The following TMEM132D variants were observed in gnomAD, a reference collection of about 807,000 sequenced individuals.
TMEM132D encodes transmembrane protein 132D.
A neutral mutation model predicts 62.3 loss-of-function variants in TMEM132D; 21 were observed. The observed-to-expected ratio is 0.34, with a 90% CI of 0.24 to 0.49. The LOEUF (loss-of-function observed/expected upper bound fraction) is 0.49, where lower values mean the gene tolerates loss of function less well. Among genes scored for constraint, TMEM132D ranks in the 20% least tolerant of loss-of-function variants. The probability of loss-of-function intolerance (pLI) is 0.99; values close to 1 mark genes in which losing one functional copy is unlikely to be tolerated. For synonymous variants in TMEM132D, 621 were observed against 575.6 expected, an observed-to-expected ratio of 1.08 and a Z score of -1.13; for missense variants, 1,346 against 1,402.8, an observed-to-expected ratio of 0.96 and a Z score of 0.65.
At chr12:129,894,873 G>A (rs1469977195) in intron 1 of TMEM132D, among the ~76,000 whole-genome samples, 3 of 152,044 alleles carry the variant, frequency 2.0e-5, no homozygotes, top group Non-Finnish European at 4.4e-5. Context: ...GTCAGCGTGT[G>A]TGATCTACGT....
At chr12:129,785,211 C>T (rs996433013) in intron 1 of TMEM132D, among the ~76,000 whole-genome samples, 4 of 152,254 alleles carry the variant, frequency 2.6e-5, no homozygotes, top group East Asian at 1.9e-4. Flanking sequence ...AAGCAGACAG[C>T]GCCCTGGCCT....
intron 4 of TMEM132D, among the ~76,000 whole-genome samples, chr12:129,281,891 G>A (rs1393587408): frequency 1.3e-5 from 2 of 152,158 alleles, no homozygotes; most frequent in Non-Finnish European, 2.9e-5. Context: ...AAGACCAGGT[G>A]TCTTTCCTCA....
chr12:129,416,749 T>C (rs2135708615), intron 3 of TMEM132D, among the ~76,000 whole-genome samples: 1 of 152,324 alleles, frequency 6.6e-6, no homozygotes, highest in East Asian at 1.9e-4. Flanking sequence ...ATTTTTAGCA[T>C]GAAGGGATGT....
rs1436392864 is a variant in TMEM132D at position 129,467,452 on chromosome 12, A to T, written c.1115+63607T>A. On this transcript the variant is annotated intron_variant, in intron 3 of 8. Transcript: ENST00000422113. Reference sequence around the variant, plus strand: ...GTCCTGGGATGGAATTTCATTGGCCATGCTTGAGTCACATGACCATCCCTG... The same window carrying T: ...GTCCTGGGATGGAATTTCATTGGCCTTGCTTGAGTCACATGACCATCCCTG... Among the ~76,000 whole-genome samples the T allele has an allele frequency of 2.0e-5, 3 of 152,150 alleles. No homozygotes were observed. The South Asian group carries it at 6.2e-4, about 32-fold the overall frequency.
At chr12:129,414,763 A>G (rs1238705416) in intron 3 of TMEM132D, among the ~76,000 whole-genome samples, 2 of 152,180 alleles carry the variant, frequency 1.3e-5, no homozygotes, top group Non-Finnish European at 2.9e-5. Context: ...TACTCATTTT[A>G]CAACCGAAAA....
chr12:129,315,305 T>G (rs1868446507), intron 4 of TMEM132D, among the ~76,000 whole-genome samples: 1 of 152,214 alleles, frequency 6.6e-6, no homozygotes, highest in Admixed American at 6.5e-5. Context: ...TTTATTACTT[T>G]AAGGTATGTC....
At position 129,074,077 on chromosome 12, in the gene TMEM132D, T is replaced by C; in HGVS notation, c.3098A>G (p.Glu1033Gly). The change falls in exon 9 of 9, where the codon GAG (glutamate) becomes GGG (glycine). Residue 1033 changes from glutamate to glycine, a missense_variant. By Grantham distance (98) the Glu-to-Gly change is moderately conservative. Transcript: ENST00000422113. ...IIIDGKDQKSEPPTSPTSKRK... is the reference protein window; with the variant it reads ...IIIDGKDQKSGPPTSPTSKRK... ...TTTTGAGGTAGGGGATGTTGGGGGC[T>C]CACTTTTCTGATCTTTCCCATCAAT... The C allele has an allele frequency of 6.2e-7, 1 of 1,614,104 alleles. No individual in the cohort carries two copies. The highest frequency in any genetic ancestry group is 8.5e-7 in the Non-Finnish European group (1 of 1,179,998).
chr12:129,725,274 C>T lies in TMEM132D; in HGVS notation c.80-24576G>A, dbSNP rs562378149. On this transcript the variant is annotated intron_variant, in intron 1 of 8. Coordinates refer to ENST00000422113, the MANE Select transcript of TMEM132D (RefSeq NM_133448.3). ...GGAAACAAAGTAAATAATGGTACAA[C>T]GAGTCCATCATTCACTATGTATTTC... Among the ~76,000 whole-genome samples, 14 of 152,286 alleles carry T rather than the reference C, an allele frequency of 9.2e-5. No individual in the cohort carries two copies. The South Asian group carries it at 2.5e-3, about 27-fold the overall frequency.
chr12:129,828,060 TAA>T (rs1279549866), intron 1 of TMEM132D, among the ~76,000 whole-genome samples: 8 of 152,194 alleles, frequency 5.3e-5, no homozygotes, highest in African/African-American at 1.7e-4. Context: ...GGAACATTAA[TAA>T]CTTATTCTTT....
intron 5 of TMEM132D, among the ~76,000 whole-genome samples, chr12:129,139,251 G>C (rs533541711): frequency 6.6e-6 from 1 of 152,294 alleles, no homozygotes; most frequent in South Asian, 2.1e-4. Flanking sequence ...AACATTTCCA[G>C]TAGTCTCTGA....
chr12:129,437,460 T>A (rs1473250172), intron 3 of TMEM132D, among the ~76,000 whole-genome samples: 1 of 152,232 alleles, frequency 6.6e-6, no homozygotes, highest in Non-Finnish European at 1.5e-5. Flanking sequence ...TAAGTATGAA[T>A]GAACGGGCAT....
At position 129,296,550 on chromosome 12, in the gene TMEM132D, T is replaced by C. The variant is rs551533816; in HGVS notation, c.1299+41084A>G. 3.9e-5 allele frequency among the ~76,000 whole-genome samples: 6 copies of C among 152,344 alleles called. No homozygotes were observed. In the South Asian group the frequency reaches 1.0e-3, roughly 26 times the overall value. The stretch of plus-strand genomic sequence containing the variant: ...AGCTTCTGAACCCTATTCCTGTTTC[T>C]TTCCTCAAGTGACAGATAAATCTGG... On this transcript the variant is annotated intron_variant, in intron 4 of 8. Transcript: ENST00000422113.
In TMEM132D at chr12:129,235,399, GGTT is replaced by G. The variant is rs1375989999; in HGVS notation, c.1300-25739_1300-25737del. On this transcript the variant is annotated intron_variant, in intron 4 of 8. Coordinates refer to ENST00000422113, the MANE Select transcript of TMEM132D (RefSeq NM_133448.3). ...CAATTCTTTCTCTCAGCCCCTAATGGGTTTTTTTTTTTTTATTATAGCTTTGCA... is the reference window on the plus strand; with the variant it reads ...CAATTCTTTCTCTCAGCCCCTAATGGTTTTTTTTTTTATTATAGCTTTGCA... Among the ~76,000 whole-genome samples the G allele has an allele frequency of 9.0e-5, 10 of 111,662 alleles. No homozygotes were observed. In the South Asian group the frequency reaches 2.0e-3, roughly 23 times the overall value. The allele number at this position is 111,662 out of a possible 152,430, so 73.3% of individuals were successfully genotyped here.
At chr12:129,405,283 T>A (rs900763647) in intron 3 of TMEM132D, among the ~76,000 whole-genome samples, 1 of 151,800 alleles carries the variant, frequency 6.6e-6, no homozygotes, top group Non-Finnish European at 1.5e-5. Context: ...GACAGAAAGC[T>A]TTCTGGTGTC....
chr12:129,673,880 T>C (rs184397305), intron 2 of TMEM132D, among the ~76,000 whole-genome samples: 3 of 152,274 alleles, frequency 2.0e-5, no homozygotes, highest in Admixed American at 2.0e-4. Flanking sequence ...ACTAAAATGA[T>C]GGAAACCTTC....
intron 5 of TMEM132D, among the ~76,000 whole-genome samples, chr12:129,186,728 C>T (rs2135553865): frequency 6.6e-6 from 1 of 152,316 alleles, no homozygotes; most frequent in South Asian, 2.1e-4. Flanking sequence ...TGTTATCCAA[C>T]AGTGCCAGGA....
In TMEM132D at chr12:129,232,476, C is replaced by A. The variant is rs78167919; in HGVS notation, c.1300-22813G>T. On this transcript the variant is annotated intron_variant, in intron 4 of 8. Transcript: ENST00000422113. ...GTCAGAAAGCACCATGCTAGCTCTGCCTTGCAGGTGAGACTGCCTTCTGGT... is the reference window on the plus strand; with the variant it reads ...GTCAGAAAGCACCATGCTAGCTCTGACTTGCAGGTGAGACTGCCTTCTGGT... Among the ~76,000 whole-genome samples the A allele has an allele frequency of 6.3e-3, 956 of 152,262 alleles. 7 individuals are homozygous for A. The highest frequency in any genetic ancestry group is 0.021 in the African/African-American group (886 of 41,536).
intron 3 of TMEM132D, among the ~76,000 whole-genome samples, chr12:129,442,880 GC>G (rs1872981586): frequency 6.6e-6 from 1 of 152,116 alleles, no homozygotes; most frequent in Non-Finnish European, 1.5e-5. Context: ...ATGGTGTGCT[GC>G]CGAGGTCACT....
In TMEM132D at chr12:129,220,197, C is replaced by T. The variant is rs1466467703; in HGVS notation, c.1300-10534G>A. On this transcript the variant is annotated intron_variant, in intron 4 of 8. Coordinates refer to ENST00000422113, the MANE Select transcript of TMEM132D (RefSeq NM_133448.3). ...CAGATTTCAGCTGAGTTCCCAAGAG[C>T]AATGCCTGGAACCAGAGAGTGGGCC... 5.3e-5 allele frequency among the ~76,000 whole-genome samples: 8 copies of T among 152,212 alleles called. No individual in the cohort carries two copies. In the East Asian group the frequency reaches 1.4e-3, roughly 26 times the overall value.
Sources: allele counts gnomAD v4.1 joint callset (sites outside exome capture counted in the v4.1 genomes callset), GRCh38; gene constraint gnomAD v4.1.1; transcripts MANE v1.5; gene names NCBI Gene and HGNC (gene_info 2026-07-23, HGNC 2026-07-21).